NSFL1C: variants seen among roughly 807,000 people sequenced by gnomAD.
NSFL1C encodes the protein NSFL1 cofactor p47.
NSFL1C carries 14 observed loss-of-function variants against 43.1 expected under a neutral mutation model. That is an observed-to-expected ratio of 0.32 (90% CI 0.21 to 0.51). NSFL1C has a LOEUF of 0.51. Among genes scored for constraint, NSFL1C ranks in the 20% least tolerant of loss-of-function variants. The pLI, the probability that NSFL1C is intolerant of heterozygous loss-of-function variation, is 0.98. For missense variants in NSFL1C, 406 were observed against 472.5 expected (o/e 0.86, Z 1.30); for synonymous variants, 171 against 183.5 (o/e 0.93, Z 0.55).
chr20:1,454,893 C>T (rs974248102), intron 4 of NSFL1C, 74 bp downstream of exon 4: 37 of 1,486,780 alleles, frequency 2.5e-5, no homozygotes, highest in African/African-American at 1.4e-4. Flanking sequence ...CAGTCACTAC[C>T]GGGGTGAAGA....
intron 2 of NSFL1C, among the ~76,000 whole-genome samples, chr20:1,462,646 C>T (rs906182057): frequency 3.9e-5 from 6 of 151,966 alleles, no homozygotes; most frequent in East Asian, 1.9e-4. Flanking sequence ...CTCAGCCTCC[C>T]GGGTAGCTGG....
At chr20:1,464,253 G>C (rs758881830) in intron 2 of NSFL1C, 76 bp downstream of exon 2, 31 of 1,322,612 alleles carry the variant, frequency 2.3e-5, no homozygotes, top group Non-Finnish European at 3.2e-5. Context: ...ACCCAGGCCT[G>C]AACGCTCTGG....
intron 1 of NSFL1C, 82 bp from the exon 2 acceptor site, chr20:1,464,508 G>A: frequency 8.8e-7 from 1 of 1,135,888 alleles, no homozygotes; most frequent in Non-Finnish European, 1.3e-6. Context: ...AAGGAATACA[G>A]ACATGGCCAA....
intron 8 of NSFL1C, 34 bp from the exon 9 acceptor site, chr20:1,443,945 TC>T (rs1360211783): frequency 6.3e-7 from 1 of 1,589,498 alleles, no homozygotes; most frequent in Non-Finnish European, 8.5e-7. Context: ...AGCAGTGCCA[TC>T]CTCTGCTGTC....
At chr20:1,449,803 T>A (rs964720629) in intron 7 of NSFL1C, among the ~76,000 whole-genome samples, 1 of 152,140 alleles carries the variant, frequency 6.6e-6, no homozygotes, top group East Asian at 1.9e-4. Context: ...TTACAAATCC[T>A]GAGACCAGCC....
chr20:1,464,472 C>T lies in NSFL1C; in HGVS notation c.106-46G>A, dbSNP rs1251604359. 4 of 1,470,252 alleles carry T rather than the reference C, an allele frequency of 2.7e-6. No individual in the cohort carries two copies. In the African/African-American group the frequency reaches 5.5e-5, roughly 20 times the overall value. The allele number at this position is 1,470,252 out of a possible 1,614,324, so 91.1% of individuals were successfully genotyped here. A position where few individuals can be genotyped will look rare whatever the true frequency, so the allele number is the denominator to read the frequency against. On this transcript the variant is annotated intron_variant, in intron 1 of 8. Coordinates refer to ENST00000216879, the MANE Select transcript of NSFL1C (RefSeq NM_016143.5). ...CTTGGGACCCTTAAACAGGCCTTCA[C>T]CTAACGCACATCTCCTTTGAGCACA...
rs2090215160 is a variant in NSFL1C, at chr20:1,452,946, T to A, written c.647+85A>T. 3 of 822,966 alleles carry A rather than the reference T, an allele frequency of 3.6e-6. No homozygotes were observed. In the South Asian group the frequency reaches 4.1e-5, roughly 11 times the overall value. The allele number at this position is 822,966 out of a possible 1,614,324, so 51.0% of individuals were successfully genotyped here. A position where few individuals can be genotyped will look rare whatever the true frequency, so the allele number is the denominator to read the frequency against. On this transcript the variant is annotated intron_variant, in intron 6 of 8. Coordinates refer to ENST00000216879, the MANE Select transcript of NSFL1C (RefSeq NM_016143.5). ...GAATCTGCTTCAAACAATTTACTCC[T>A]CAAATAATAAACATTCTGCCTCCTC...
chr20:1,454,197 AG>A lies in NSFL1C; in HGVS notation c.537+15del. On this transcript the variant is annotated intron_variant, in intron 5 of 8. Transcript: ENST00000216879. ...CAGTCCACAAGCTTCCCTCATGGGA[AG>A]GTGGATGCACTCACATCTTGGCTGG... 6.3e-7 allele frequency: 1 copy of A among 1,598,712 alleles called. No homozygotes were observed. The highest frequency in any genetic ancestry group is 1.8e-4 in the Middle Eastern group (1 of 5,680).
chr20:1,454,257 A>G lies in NSFL1C; in HGVS notation c.493T>C (p.Ser165Pro). 6.2e-7 allele frequency: 1 copy of G among 1,612,836 alleles called. No individual in the cohort carries two copies. The highest frequency in any genetic ancestry group is 8.5e-7 in the Non-Finnish European group (1 of 1,179,994). Residue 165 changes from serine to proline, a missense_variant, in exon 5 of 9, where the codon TCT (serine) becomes CCT (proline). This residue lies in a region of NSFL1C where 203 missense variants were observed against 216.3 expected (regional missense o/e 0.94). Transcript: ENST00000216879. ...YRLGAAPEEESAYVAGEKRQH... is the reference protein window; with the variant it reads ...YRLGAAPEEEPAYVAGEKRQH... The stretch of plus-strand genomic sequence containing the variant: ...CTCTTTTCTCCTGCCACATAGGCAG[A>G]CTCTTCCTCTGGTGCTGCCCCAAGG...
At chr20:1,444,890 C>T (rs923256318) in intron 8 of NSFL1C, among the ~76,000 whole-genome samples, 1 of 152,192 alleles carries the variant, frequency 6.6e-6, no homozygotes, top group Non-Finnish European at 1.5e-5. Flanking sequence ...CTAGATGCAC[C>T]TGGCTCACAG....
chr20:1,455,120 C>G lies in NSFL1C; in HGVS notation c.291G>C (p.Gly97=). 1 of 1,614,194 alleles carries G rather than the reference C, an allele frequency of 6.2e-7. No homozygotes were observed. Among genetic ancestry groups the G allele is most frequent in the Non-Finnish European group, 8.5e-7 (1 of 1,180,028 alleles). Residue 97 remains glycine (G), a synonymous_variant, in exon 4 of 9, where the codon GGG becomes GGC. Coordinates refer to ENST00000216879, the MANE Select transcript of NSFL1C (RefSeq NM_016143.5). ...EEEEGQRFYA[G]GSERSGQQIV... ...TCTGCTGTCCACTTCTCTCTGAGCC[C>G]CCAGCATAAAACCTGTGTACAAAAT...
intron 7 of NSFL1C, among the ~76,000 whole-genome samples, chr20:1,450,352 T>A (rs559277421): frequency 6.2e-4 from 95 of 152,216 alleles, no homozygotes; most frequent in African/African-American, 2.2e-3. Flanking sequence ...GTTTTTTTTT[T>A]AAGCTAAGTT....
chr20:1,465,651 G>A (rs1057139574), intron 1 of NSFL1C, among the ~76,000 whole-genome samples: 4 of 152,196 alleles, frequency 2.6e-5, no homozygotes, highest in Non-Finnish European at 4.4e-5. Context: ...GTGACCCTGA[G>A]CAAATTCTTT....
chr20:1,466,769 T>C lies in NSFL1C; in HGVS notation c.56A>G (p.Glu19Gly). ...GAGAAAGAAGCGGGCCCGGTCCTCC[T>C]CGGCGCCCGTCACCGCCACGAACTC... Reference protein sequence around the residue: ...LREFVAVTGAEEDRARFFLES... With the variant: ...LREFVAVTGAGEDRARFFLES... The change falls in exon 1 of 9, where the codon GAG (glutamate) becomes GGG (glycine). Residue 19 changes from glutamate to glycine, a missense_variant. Glu to Gly is a moderately conservative substitution (Grantham distance 98, BLOSUM62 -2). Transcript: ENST00000216879. 6.4e-7 allele frequency: 1 copy of C among 1,561,478 alleles called. No homozygotes were observed. The highest frequency in any genetic ancestry group is 8.7e-7 in the Non-Finnish European group (1 of 1,155,662).
chr20:1,461,261 C>A (rs1383838028), intron 2 of NSFL1C, among the ~76,000 whole-genome samples: 1 of 152,016 alleles, frequency 6.6e-6, no homozygotes, highest in Non-Finnish European at 1.5e-5. Flanking sequence ...GAGATGCCAC[C>A]CAGTAGTACA....
intron 1 of NSFL1C, 98 bp downstream of exon 1, chr20:1,466,622 G>C (rs1038134989): frequency 8.6e-7 from 1 of 1,163,842 alleles, no homozygotes. Flanking sequence ...GGTAGAGCGG[G>C]GATGACTGTG....
intron 7 of NSFL1C, among the ~76,000 whole-genome samples, chr20:1,447,095 T>A (rs962648972): frequency 2.0e-5 from 3 of 152,206 alleles, no homozygotes; most frequent in African/African-American, 7.2e-5. Context: ...TTTCTGTGAA[T>A]GTGAAAAACA....
chr20:1,459,141 C>G (rs1405598843), intron 2 of NSFL1C, among the ~76,000 whole-genome samples: 1 of 152,138 alleles, frequency 6.6e-6, no homozygotes, highest in South Asian at 2.1e-4. Context: ...TAATATGGGA[C>G]AAAGAGGGTG....
intron 3 of NSFL1C, 153 bp downstream of exon 3, chr20:1,458,047 G>T: frequency 1.6e-6 from 1 of 637,656 alleles, no homozygotes; most frequent in South Asian, 1.9e-5. Context: ...AGGAGTAGAA[G>T]AGACTTCCTA....
Sources: allele counts gnomAD v4.1 joint callset (sites outside exome capture counted in the v4.1 genomes callset), GRCh38; gene constraint gnomAD v4.1.1; regional missense constraint gnomAD v4.1.1; transcripts MANE v1.5; gene names NCBI Gene and HGNC (gene_info 2026-07-23, HGNC 2026-07-21).